CHL1: variants seen among roughly 807,000 people sequenced by gnomAD.
CHL1 encodes the protein cell adhesion molecule L1 like, also known as neural cell adhesion molecule L1-like protein.
In CHL1, 96 loss-of-function variants were observed where a neutral mutation model predicts 141.9. That is an observed-to-expected ratio of 0.68 (90% confidence interval 0.57 to 0.80). The LOEUF is 0.80. Ranked by LOEUF, CHL1 falls within the 30% of genes least tolerant of loss-of-function variation. The probability of loss-of-function intolerance (pLI) is 0.00; values close to 1 mark genes in which losing one functional copy is unlikely to be tolerated. For synonymous variants in CHL1, 613 were observed against 502.2 expected (o/e 1.22, Z -2.95); for missense variants, 1,820 against 1,457.2 (o/e 1.25, Z -4.05).
intron 2 of CHL1, among the ~76,000 whole-genome samples, chr3:276,242 A>T (rs1696086295): frequency 6.6e-6 from 1 of 152,184 alleles, no homozygotes; most frequent in South Asian, 2.1e-4. Context: ...TTGCACCACC[A>T]ATCATATTGT....
In CHL1 at chr3:378,426, G is replaced by T. The variant is rs148090747; in HGVS notation, c.1876+484G>T. Among the ~76,000 whole-genome samples, 135 of 152,264 alleles carry T rather than the reference G, an allele frequency of 8.9e-4. No individual in the cohort carries two copies. The East Asian group carries it at 0.02, about 22-fold the overall frequency. On this transcript the variant is annotated intron_variant, in intron 16 of 27. Transcript: ENST00000256509. Reference sequence around the variant, plus strand: ...CAGCATTCTACAAAGGAATGTCTTTGATTTTTGTCGTTGTTGTTGTTGATG... The same window carrying T: ...CAGCATTCTACAAAGGAATGTCTTTTATTTTTGTCGTTGTTGTTGTTGATG...
intron 23 of CHL1, among the ~76,000 whole-genome samples, chr3:393,616 A>G (rs1227667091): frequency 6.6e-6 from 1 of 152,110 alleles, no homozygotes; most frequent in Non-Finnish European, 1.5e-5. Flanking sequence ...TGATCAAGAC[A>G]TTTTAGGTAG....
intron 1 of CHL1, among the ~76,000 whole-genome samples, chr3:210,919 A>G (rs2124902314): frequency 6.6e-6 from 1 of 152,326 alleles, no homozygotes; most frequent in Admixed American, 6.5e-5. Flanking sequence ...GCGAGAATAA[A>G]AGTGAGAGGA....
intron 1 of CHL1, among the ~76,000 whole-genome samples, chr3:219,733 T>C (rs988748495): frequency 6.6e-6 from 1 of 151,930 alleles, no homozygotes; most frequent in African/African-American, 2.4e-5. Flanking sequence ...ATCAGAAAAA[T>C]TAACTAATGG....
At chr3:258,207 C>G (rs925970175) in intron 2 of CHL1, among the ~76,000 whole-genome samples, 2 of 152,164 alleles carry the variant, frequency 1.3e-5, no homozygotes, top group African/African-American at 4.8e-5. Context: ...GTTTGAAAGG[C>G]CTCTCAGATT....
chr3:337,635 C>T (rs1030473861), intron 5 of CHL1, among the ~76,000 whole-genome samples: 12 of 151,258 alleles, frequency 7.9e-5, no homozygotes, highest in East Asian at 3.9e-4. Flanking sequence ...TTTGTCCTTG[C>T]GATAATTTGC....
intron 2 of CHL1, among the ~76,000 whole-genome samples, chr3:287,412 TTG>T (rs1697260627): frequency 6.6e-6 from 1 of 152,182 alleles, no homozygotes; most frequent in Admixed American, 6.5e-5. Flanking sequence ...ACACATTCGA[TTG>T]TCTTTTCACC....
chr3:245,126 T>C (rs773291812), intron 2 of CHL1, among the ~76,000 whole-genome samples: 3 of 152,174 alleles, frequency 2.0e-5, no homozygotes, highest in Non-Finnish European at 4.4e-5. Flanking sequence ...CTTCATAGTC[T>C]GAACGACTTA....
chr3:235,730 T>A (rs1416142263), intron 1 of CHL1, among the ~76,000 whole-genome samples: 1 of 152,182 alleles, frequency 6.6e-6, no homozygotes, highest in Non-Finnish European at 1.5e-5. Flanking sequence ...CAGAACTGGG[T>A]CCTATTTGAG....
At chr3:397,755 A>C (rs1197465790) in intron 24 of CHL1, among the ~76,000 whole-genome samples, 1 of 152,116 alleles carries the variant, frequency 6.6e-6, no homozygotes, top group Admixed American at 6.5e-5. Context: ...ATAAATTTCA[A>C]ATATTTAATA....
intron 1 of CHL1, among the ~76,000 whole-genome samples, chr3:201,095 A>T (rs1575589374): frequency 6.6e-6 from 1 of 152,210 alleles, no homozygotes; most frequent in East Asian, 1.9e-4. Context: ...TTTTCCCAAG[A>T]AACAAATTGG....
chr3:376,534 A>G, intron 15 of CHL1: 1 of 396,308 alleles, frequency 2.5e-6, no homozygotes, highest in Non-Finnish European at 4.9e-6. Context: ...GCATAGTGCA[A>G]CCATGACTTG....
chr3:211,235 C>G (rs1427246192), intron 1 of CHL1, among the ~76,000 whole-genome samples: 1 of 152,178 alleles, frequency 6.6e-6, no homozygotes. Flanking sequence ...GAAAAGGAAG[C>G]AGGCTTTCTG....
chr3:338,414 C>T (rs757596939), intron 5 of CHL1, among the ~76,000 whole-genome samples: 6 of 152,102 alleles, frequency 3.9e-5, no homozygotes, highest in Non-Finnish European at 8.8e-5. Flanking sequence ...ACAGTAAATG[C>T]CACTGGTTGG....
At chr3:217,528 C>G in intron 1 of CHL1, 1 of 152,156 alleles carries the variant, frequency 6.6e-6, no homozygotes, top group Non-Finnish European at 1.5e-5. Context: ...GCCTTTCACG[C>G]TGAGCCAGAA....
chr3:208,808 G>T (rs2124884946), intron 1 of CHL1, among the ~76,000 whole-genome samples: 1 of 152,260 alleles, frequency 6.6e-6, no homozygotes, highest in East Asian at 1.9e-4. Context: ...TGGAGACCTT[G>T]AATTATACAG....
intron 3 of CHL1, among the ~76,000 whole-genome samples, 157 bp from the exon 4 acceptor site, chr3:325,802 C>T (rs1454446849): frequency 6.6e-6 from 1 of 152,086 alleles, no homozygotes; most frequent in East Asian, 1.9e-4. Context: ...GAAGTAAGTA[C>T]ATGTTGCAAA....
intron 15 of CHL1, among the ~76,000 whole-genome samples, chr3:375,256 C>G (rs1467042687): frequency 2.0e-5 from 3 of 151,904 alleles, no homozygotes; most frequent in African/African-American, 7.3e-5. Context: ...TCGTGCTTAA[C>G]AAAGGTAATG....
chr3:319,832 T>A lies in CHL1; in HGVS notation c.56T>A (p.Leu19Ter). 1 of 1,607,708 alleles carries A rather than the reference T, an allele frequency of 6.2e-7. No individual in the cohort carries two copies. Among genetic ancestry groups the A allele is most frequent in the Middle Eastern group, 1.7e-4 (1 of 6,034 alleles). Residue 19 changes from leucine (L) to a stop codon, truncating the protein, a stop_gained, in exon 3 of 28, where the codon TTA becomes TAA. Transcript: ENST00000256509. LOFTEE classifies it high-confidence loss of function. ...ATCGTATATCTAATGTTCCTCCTGT[T>A]AAAATTCTCAAAAGCAATTGAAATA... is the stretch of plus-strand genomic sequence containing the variant. Reference protein sequence around the residue: ...GLIVYLMFLLLKFSKAIEIPS... With the variant: ...GLIVYLMFLL
Sources: allele counts gnomAD v4.1 joint callset (sites outside exome capture counted in the v4.1 genomes callset), GRCh38; gene constraint gnomAD v4.1.1; transcripts MANE v1.5; gene names NCBI Gene and HGNC (gene_info 2026-07-23, HGNC 2026-07-21).